The following SHANK2 variants were observed in gnomAD, a reference collection of about 807,000 sequenced individuals.
The protein encoded by SHANK2 is SH3 and multiple ankyrin repeat domains protein 2.
In SHANK2, 43 loss-of-function variants were observed where a neutral mutation model predicts 133.7. That is an observed-to-expected ratio of 0.32 (90% confidence interval 0.25 to 0.41). The LOEUF is 0.41. Ranked by LOEUF, SHANK2 falls within the 10% of genes least tolerant of loss-of-function variation. The probability of loss-of-function intolerance (pLI) is 1.00; values close to 1 mark genes in which losing one functional copy is unlikely to be tolerated. For synonymous variants in SHANK2, 1,017 were observed against 952.8 expected, an observed-to-expected ratio of 1.07 and a Z score of -1.24; for missense variants, 1,994 against 2,235.8, an observed-to-expected ratio of 0.89 and a Z score of 2.18.
At chr11:70,524,849 G>A (rs1024539534) in intron 17 of SHANK2, among the ~76,000 whole-genome samples, 2 of 152,252 alleles carry the variant, frequency 1.3e-5, no homozygotes, top group Admixed American at 6.5e-5. Context: ...ACATTCCGCT[G>A]CCTCTCACCA....
intron 17 of SHANK2, among the ~76,000 whole-genome samples, chr11:70,622,578 T>A (rs1388027415): frequency 6.6e-6 from 1 of 152,212 alleles, no homozygotes; most frequent in Non-Finnish European, 1.5e-5. Flanking sequence ...CTCCAGGGGC[T>A]GCGGCCACCC....
intron 12 of SHANK2, among the ~76,000 whole-genome samples, chr11:70,814,431 G>T (rs1260187355): frequency 6.6e-6 from 1 of 152,114 alleles, no homozygotes; most frequent in Non-Finnish European, 1.5e-5. Flanking sequence ...AGGTCAGGAT[G>T]ATGGGGCACA....
intron 10 of SHANK2, among the ~76,000 whole-genome samples, chr11:70,939,989 A>G (rs2135839903): frequency 6.6e-6 from 1 of 152,156 alleles, no homozygotes; most frequent in South Asian, 2.1e-4. Flanking sequence ...GGGGGTCCAG[A>G]GATTGGTGTG....
chr11:71,138,448 A>T (rs1952490275), intron 3 of SHANK2, among the ~76,000 whole-genome samples: 1 of 152,232 alleles, frequency 6.6e-6, no homozygotes, highest in Non-Finnish European at 1.5e-5. Context: ...AAGGTGGAGG[A>T]GGTGAAACCT....
chr11:71,196,200 A>AAT (rs1421471027), intron 2 of SHANK2, among the ~76,000 whole-genome samples: 1 of 152,056 alleles, frequency 6.6e-6, no homozygotes, highest in Non-Finnish European at 1.5e-5. Flanking sequence ...AAAATAAATT[A>AAT]ATATATATGT....
At chr11:70,495,720 G>A (rs1447069957) in intron 21 of SHANK2, 3 of 172,688 alleles carry the variant, frequency 1.7e-5, no homozygotes, top group Admixed American at 6.3e-5. Context: ...GCAGCAGCAT[G>A]TACCTCCATG....
intron 17 of SHANK2, among the ~76,000 whole-genome samples, chr11:70,611,719 G>A (rs2060659795): frequency 6.6e-6 from 1 of 152,238 alleles, no homozygotes; most frequent in South Asian, 2.1e-4. Context: ...GTGTCCTGGT[G>A]GAGGTGTCGT....
intron 15 of SHANK2, among the ~76,000 whole-genome samples, chr11:70,671,836 G>A (rs981212448): frequency 2.6e-5 from 4 of 152,126 alleles, no homozygotes; most frequent in Non-Finnish European, 4.4e-5. Context: ...GGACTCTGCG[G>A]TGCCAGGCAG....
At chr11:70,617,614 A>G (rs1273103343) in intron 17 of SHANK2, among the ~76,000 whole-genome samples, 1 of 152,212 alleles carries the variant, frequency 6.6e-6, no homozygotes. Flanking sequence ...TACAAAGCCT[A>G]GAGCAAGCTC....
At position 70,487,099 on chromosome 11, in the gene SHANK2, T is replaced by C; in HGVS notation, c.3194A>G (p.Gln1065Arg). The C allele has an allele frequency of 6.2e-7, 1 of 1,610,898 alleles. No individual in the cohort carries two copies. Among genetic ancestry groups the C allele is most frequent in the Non-Finnish European group, 8.5e-7 (1 of 1,179,948 alleles). ...GGTCAGGCTTTCGTCAGGCCGCAGC[T>C]GGCTCGGTGGCTCCGGGGCCTGGGG... ...IDPQAPEPPS[Q>R]LRPDESLTVS... is the part of the protein sequence containing the mutation. The change falls in exon 25 of 26, where the codon CAG (glutamine) becomes CGG (arginine). Residue 1065 changes from glutamine (Q) to arginine (R), a missense_variant. By Grantham distance (43) the Gln-to-Arg change is conservative (BLOSUM62 1). Around this residue, in one of 5 missense-constraint regions of SHANK2, gnomAD observed 488 missense variants for 642.6 expected, o/e 0.76. Transcript: ENST00000601538. This position sits in a 1 kb window ranked among gnomAD's most constrained non-coding sequence, Gnocchi z 5.8.
chr11:70,522,134 G>T (rs998668235), intron 17 of SHANK2, among the ~76,000 whole-genome samples: 1 of 152,232 alleles, frequency 6.6e-6, no homozygotes, highest in African/African-American at 2.4e-5. Context: ...GATTCTGACT[G>T]TACCAGCTTT....
chr11:71,071,656 T>C (rs1214333735), intron 9 of SHANK2, among the ~76,000 whole-genome samples: 4 of 152,138 alleles, frequency 2.6e-5, no homozygotes, highest in African/African-American at 4.8e-5. Flanking sequence ...GAAGGATGCA[T>C]AGGAGTTTTC....
intron 14 of SHANK2, among the ~76,000 whole-genome samples, chr11:70,751,865 T>C (rs1301550646): frequency 1.3e-5 from 2 of 151,780 alleles, no homozygotes; most frequent in African/African-American, 4.8e-5. Flanking sequence ...AAAAAAAAGC[T>C]ATATAATTGT....
intron 17 of SHANK2, among the ~76,000 whole-genome samples, chr11:70,649,558 G>A (rs1451876413): frequency 3.3e-5 from 5 of 152,216 alleles, no homozygotes; most frequent in Non-Finnish European, 4.4e-5. Context: ...AACTCCCCAC[G>A]AAAGGGCACC....
At chr11:71,101,134 A>C (rs1951710513) in intron 6 of SHANK2, among the ~76,000 whole-genome samples, 1 of 152,152 alleles carries the variant, frequency 6.6e-6, no homozygotes, top group African/African-American at 2.4e-5. Flanking sequence ...ATAACAGGCG[A>C]GCTGGAAGTG....
At chr11:70,527,601 G>A (rs1409477221) in intron 17 of SHANK2, among the ~76,000 whole-genome samples, 1 of 152,224 alleles carries the variant, frequency 6.6e-6, no homozygotes, top group African/African-American at 2.4e-5. Flanking sequence ...GCTCGGGTCT[G>A]AGAGGCGCCT....
At chr11:70,733,006 C>A (rs187442444) in intron 14 of SHANK2, among the ~76,000 whole-genome samples, 1 of 152,206 alleles carries the variant, frequency 6.6e-6, no homozygotes, top group Non-Finnish European at 1.5e-5. Flanking sequence ...CAGATGCTGC[C>A]GATGGAGTGA....
chr11:70,659,767 C>T (rs2061457208), intron 17 of SHANK2, 61 bp downstream of exon 17: 1 of 1,609,382 alleles, frequency 6.2e-7, no homozygotes, highest in Admixed American at 1.7e-5. Context: ...AGGACTACGA[C>T]CCTCTCCCCG....
At chr11:71,128,771 C>T (rs1952237312) in intron 3 of SHANK2, among the ~76,000 whole-genome samples, 1 of 152,144 alleles carries the variant, frequency 6.6e-6, no homozygotes, top group Non-Finnish European at 1.5e-5. Flanking sequence ...CTGCCCCAGC[C>T]CGAGCTGCCT....
Sources: allele counts gnomAD v4.1 joint callset (sites outside exome capture counted in the v4.1 genomes callset), GRCh38; gene constraint gnomAD v4.1.1; regional missense constraint gnomAD v4.1.1; non-coding constraint Gnocchi (gnomAD v3.1); transcripts MANE v1.5; gene names NCBI Gene and HGNC (gene_info 2026-07-23, HGNC 2026-07-21).